ATP8B3: variants seen among roughly 807,000 people sequenced by gnomAD.
The protein encoded by ATP8B3 is ATPase phospholipid transporting 8B3, also known as phospholipid-transporting ATPase IK.
Under a neutral mutation model 140.9 loss-of-function variants are expected in ATP8B3, and 141 were observed. That is an observed-to-expected ratio of 1.00 (90% CI 0.87 to 1.15). The LOEUF is 1.15. Ranked by LOEUF, ATP8B3 falls within the 50% of genes most tolerant of loss-of-function variation. The pLI, the probability that ATP8B3 is intolerant of heterozygous loss-of-function variation, is 0.00. For missense variants in ATP8B3, 1,874 were observed against 1,740.6 expected (o/e 1.08, Z -1.36); for synonymous variants, 765 against 714.6 (o/e 1.07, Z -1.13).
rs2068428934 is a variant in ATP8B3, at chr19:1,789,689, G to A, written c.2517C>T (p.Ala839=). 2 of 1,592,508 alleles carry A rather than the reference G, an allele frequency of 1.3e-6. No homozygotes were observed. Among genetic ancestry groups the A allele is most frequent in the Non-Finnish European group, 1.7e-6 (2 of 1,172,430 alleles). The change falls in exon 23 of 29, where the codon GCC becomes GCT. Residue 839 remains alanine, a synonymous_variant. Coordinates refer to ENST00000310127, the MANE Select transcript of ATP8B3 (RefSeq NM_138813.4). ...CGTCCATGTTCACGTTCTGCGCCAG[G>A]GCGCGCGGCTCCTTCCGCAGGGACA... ...LLVSLRKEPR[A]LAQNVNMDEA...
rs878996471 is a variant in ATP8B3, at chr19:1,782,824, T to C, written c.*204A>G. 1.5e-6 allele frequency: 1 copy of C among 651,302 alleles called. No homozygotes were observed. Among genetic ancestry groups the C allele is most frequent in the Non-Finnish European group, 2.6e-6 (1 of 388,236 alleles). The allele number at this position is 651,302 out of a possible 1,614,324, so 40.3% of individuals were successfully genotyped here. A position where few individuals can be genotyped will look rare whatever the true frequency, so the allele number is the denominator to read the frequency against. On this transcript the variant is annotated 3_prime_UTR_variant, in exon 29 of 29. Coordinates refer to ENST00000310127, the MANE Select transcript of ATP8B3 (RefSeq NM_138813.4). ...ATGACCTCTCCTGTGCCCTTGGCAATTGCTCTTGGAAAGACTCAGATAGCC... is the reference window on the plus strand; with the variant it reads ...ATGACCTCTCCTGTGCCCTTGGCAACTGCTCTTGGAAAGACTCAGATAGCC...
intron 18 of ATP8B3, among the ~76,000 whole-genome samples, 172 bp from the exon 19 acceptor site, chr19:1,792,307 C>T (rs1439941570): frequency 3.9e-5 from 6 of 152,266 alleles, no homozygotes; most frequent in Admixed American, 2.6e-4. Flanking sequence ...AGGCCGGGTA[C>T]GGTGGCTCAC....
chr19:1,808,255 G>T lies in ATP8B3; in HGVS notation c.483C>A (p.Ser161=), dbSNP rs1271949748. 1 of 1,612,878 alleles carries T rather than the reference G, an allele frequency of 6.2e-7. No homozygotes were observed. The change falls in exon 5 of 29, where the codon TCC becomes TCA. Residue 161 remains serine (S), a synonymous_variant. Transcript: ENST00000310127. ...TGATGATGATGAGGAAGAACAGGTTGGACACGCGGTGGAACTGCTCGTACA... is the reference window on the plus strand; with the variant it reads ...TGATGATGATGAGGAAGAACAGGTTTGACACGCGGTGGAACTGCTCGTACA... ...LNLYEQFHRV[S]NLFFLIIIIL...
chr19:1,806,337 C>T lies in ATP8B3; in HGVS notation c.678-168G>A. The T allele has an allele frequency of 1.4e-6, 2 of 1,466,662 alleles. No homozygotes were observed. The highest frequency in any genetic ancestry group is 9.0e-7 in the Non-Finnish European group (1 of 1,114,478). The allele number at this position is 1,466,662 out of a possible 1,614,324, so 90.9% of individuals were successfully genotyped here. A position where few individuals can be genotyped will look rare whatever the true frequency, so the allele number is the denominator to read the frequency against. On this transcript the variant is annotated intron_variant, in intron 7 of 28. Coordinates refer to ENST00000310127, the MANE Select transcript of ATP8B3 (RefSeq NM_138813.4). The surrounding 1 kb of genome is among the most constrained non-coding windows in gnomAD (Gnocchi z 5.6). ...GGCTCCCACCCCACTCCCCGCGGGT[C>T]CACGCTCCCACCCAGTGACCTCCAG...
Position 1,807,123 on chromosome 19 carries a change from C to T in ATP8B3, c.615+45G>A, listed in dbSNP as rs772830864. On this transcript the variant is annotated intron_variant, in intron 6 of 28. Transcript: ENST00000310127. This position sits in a 1 kb window ranked among gnomAD's most constrained non-coding sequence, Gnocchi z 5.9. Reference sequence around the variant, plus strand: ...CCAGGGATCAAGAGACCCCCCCGACCGGCCCCGCTCCCTCCCCCAGGCAGC... The same window carrying T: ...CCAGGGATCAAGAGACCCCCCCGACTGGCCCCGCTCCCTCCCCCAGGCAGC... 21 of 1,545,882 alleles carry T rather than the reference C, an allele frequency of 1.4e-5. No individual in the cohort carries two copies. Among genetic ancestry groups the T allele is most frequent in the East Asian group, 6.7e-5 (3 of 44,494 alleles).
chr19:1,808,397 G>A, intron 4 of ATP8B3, 62 bp from the exon 5 acceptor site: 3 of 1,314,706 alleles, frequency 2.3e-6, no homozygotes, highest in Non-Finnish European at 2.2e-6. Context: ...GGATGGGGGT[G>A]CCCGAGGCCA....
At position 1,807,747 on chromosome 19, in the gene ATP8B3, TGA is replaced by T. The variant is rs1403837323; in HGVS notation, c.516+473_516+474del. On this transcript the variant is annotated intron_variant, in intron 5 of 28. Transcript: ENST00000310127. This position sits in a 1 kb window ranked among gnomAD's most constrained non-coding sequence, Gnocchi z 5.9. ...TCCAGAACAGAAATGAGATGTTGGG[TGA>T]GAGTGTTTGCTCTGAAAACAGCGCC... Among the ~76,000 whole-genome samples the T allele has an allele frequency of 6.6e-6, 1 of 152,246 alleles. No individual in the cohort carries two copies. The highest frequency in any genetic ancestry group is 1.9e-4 in the East Asian group (1 of 5,198).
At chr19:1,793,183 T>C (rs2068568881) in intron 18 of ATP8B3, among the ~76,000 whole-genome samples, 1 of 151,748 alleles carries the variant, frequency 6.6e-6, no homozygotes, top group Non-Finnish European at 1.5e-5. Flanking sequence ...CTCGAACTCC[T>C]GGGCTCAAGT....
In ATP8B3 at chr19:1,789,431, C is replaced by T; in HGVS notation, c.2775G>A (p.Leu925=). 1 of 1,598,282 alleles carries T rather than the reference C, an allele frequency of 6.3e-7. No individual in the cohort carries two copies. Among genetic ancestry groups the T allele is most frequent in the South Asian group, 1.1e-5 (1 of 90,800 alleles). The change falls in exon 23 of 29, where the codon CTG becomes CTA. Residue 925 remains leucine, a synonymous_variant. Transcript: ENST00000310127. ...TCACCACCTGGTGGTACTTCTTGAC[C>T]AGGGCCACGATCAGGGCCTTCTGCT... ...TPKQKALIVA[L]VKKYHQVVTL...
Position 1,810,672 on chromosome 19 carries a change from ATGCTGGTGG to A in ATP8B3, c.251_259del (p.Pro84_Met87delinsLeu). On this transcript the variant is annotated inframe_deletion and splice_region_variant, in exon 3 of 29. Transcript: ENST00000310127. Reference sequence around the variant, plus strand: ...ATCTTCTCTCTGGCCGAGGCTGCCCATGCTGGTGGGGCTGTGGGAGAGAAGGGCCCCGGG... The same window carrying A: ...ATCTTCTCTCTGGCCGAGGCTGCCCAGGCTGTGGGAGAGAAGGGCCCCGGG... The A allele has an allele frequency of 1.2e-6, 2 of 1,612,574 alleles. No individual in the cohort carries two copies. Among genetic ancestry groups the A allele is most frequent in the Non-Finnish European group, 1.7e-6 (2 of 1,179,552 alleles).
chr19:1,790,885 T>G, intron 20 of ATP8B3, 53 bp from the exon 21 acceptor site: 1 of 1,371,324 alleles, frequency 7.3e-7, no homozygotes, highest in African/African-American at 1.6e-5. Flanking sequence ...ACTGGCTGCC[T>G]GGGGGCCACG....
intron 2 of ATP8B3, among the ~76,000 whole-genome samples, chr19:1,811,104 A>G (rs950081569): frequency 1.3e-5 from 2 of 151,890 alleles, no homozygotes; most frequent in Admixed American, 6.6e-5. Flanking sequence ...CCCTCTCCCC[A>G]TGTGGCACCA....
chr19:1,792,992 C>G (rs1236747859), intron 18 of ATP8B3, among the ~76,000 whole-genome samples: 2 of 152,022 alleles, frequency 1.3e-5, no homozygotes, highest in African/African-American at 4.8e-5. Context: ...GCTCCCACCC[C>G]CAGACCCTCA....
chr19:1,789,400 C>T lies in ATP8B3; in HGVS notation c.2806G>A (p.Ala936Thr). The T allele has an allele frequency of 6.3e-7, 1 of 1,591,538 alleles. No homozygotes were observed. Residue 936 changes from alanine to threonine, a missense_variant, in exon 23 of 29, where the codon GCC becomes ACC. By Grantham distance (58) the Ala-to-Thr change is moderately conservative. Around this residue, in one of 3 missense-constraint regions of ATP8B3, gnomAD observed 840 missense variants for 760.9 expected, o/e 1.10. Coordinates refer to ENST00000310127, the MANE Select transcript of ATP8B3 (RefSeq NM_138813.4). ...VKKYHQVVTL[A>T]IGDGANDINM... is the part of the protein sequence containing the mutation. ...ATGTCGTTGGCACCGTCCCCGATGG[C>T]CAGGGTCACCACCTGGTGGTACTTC...
intron 25 of ATP8B3, 120 bp from the exon 26 acceptor site, chr19:1,785,828 A>C: frequency 8.8e-7 from 1 of 1,141,736 alleles, no homozygotes; most frequent in East Asian, 2.6e-5. Flanking sequence ...CTTTGAGTTT[A>C]AGTGAGTTAA....
At chr19:1,784,685 C>A (rs2068246443) in intron 28 of ATP8B3, 134 bp downstream of exon 28, 7 of 1,270,930 alleles carry the variant, frequency 5.5e-6, no homozygotes, top group Non-Finnish European at 6.3e-6. Context: ...TCCGCACCCA[C>A]CCTTCCCCCA....
chr19:1,802,733 G>A, intron 10 of ATP8B3, 88 bp from the exon 11 acceptor site: 1 of 1,465,664 alleles, frequency 6.8e-7, no homozygotes, highest in Non-Finnish European at 9.2e-7. Context: ...GAACATTCCG[G>A]CCACCCTCAC....
In ATP8B3 at chr19:1,789,488, G is replaced by A; in HGVS notation, c.2718C>T (p.Cys906=). Residue 906 remains cysteine, a synonymous_variant, in exon 23 of 29, where the codon TGC becomes TGT. Transcript: ENST00000310127. ...ERAFVDLASK[C]QAVICCRVTP... is the part of the protein sequence containing the mutation. ...TCACGCGGCAGCAGATGACCGCCTG[G>A]CACTTGGACGCCAGGTCCACGAAGG... 1 of 1,597,896 alleles carries A rather than the reference G, an allele frequency of 6.3e-7. No homozygotes were observed. Among genetic ancestry groups the A allele is most frequent in the Non-Finnish European group, 8.5e-7 (1 of 1,179,154 alleles).
At chr19:1,787,749 A>C (rs1421515268) in intron 24 of ATP8B3, among the ~76,000 whole-genome samples, 1 of 59,240 alleles carries the variant, frequency 1.7e-5, no homozygotes, top group Non-Finnish European at 3.5e-5. Context: ...AAAAAAAAAA[A>C]AAAAAAAAAA....
Sources: allele counts gnomAD v4.1 joint callset (sites outside exome capture counted in the v4.1 genomes callset), GRCh38; gene constraint gnomAD v4.1.1; regional missense constraint gnomAD v4.1.1; non-coding constraint Gnocchi (gnomAD v3.1); transcripts MANE v1.5; gene names NCBI Gene and HGNC (gene_info 2026-07-23, HGNC 2026-07-21).